Variants in FBXO25 observed in about 807,000 individuals in gnomAD.
FBXO25 encodes the protein F-box protein 25, also known as F-box only protein 25.
A neutral mutation model predicts 51.9 loss-of-function variants in FBXO25; 45 were observed. That is an observed-to-expected ratio of 0.87 (90% CI 0.68 to 1.11). FBXO25 has a LOEUF of 1.11. Ranked by LOEUF, FBXO25 falls within the 50% of genes most tolerant of loss-of-function variation. The probability of loss-of-function intolerance (pLI) is 0.00; values close to 1 mark genes in which losing one functional copy is unlikely to be tolerated. For missense variants in FBXO25, 507 were observed against 428.5 expected (o/e 1.18, Z -1.62); for synonymous variants, 199 against 151.0 (o/e 1.32, Z -2.33).
chr8:456,317 C>G (rs1426711449), intron 7 of FBXO25, among the ~76,000 whole-genome samples: 1 of 152,188 alleles, frequency 6.6e-6, no homozygotes, highest in East Asian at 1.9e-4. Flanking sequence ...TCAGGTGATC[C>G]TCCCACCTCA....
In FBXO25 at chr8:476,596, T is replaced by G. The variant is rs1800650534; in HGVS notation, c.*7792T>G. 1 of 152,218 alleles carries G rather than the reference T, an allele frequency of 6.6e-6. No homozygotes were observed. Among genetic ancestry groups the G allele is most frequent in the East Asian group, 1.9e-4 (1 of 5,202 alleles). The allele number at this position is 152,218 out of a possible 1,614,324, so 9.4% of individuals were successfully genotyped here. Reference sequence around the variant, plus strand: ...TCAATCTTGATAGGCTGTGTGTTTCTAAGAATTTGTCCAGTTCATCTAGGT... The same window carrying G: ...TCAATCTTGATAGGCTGTGTGTTTCGAAGAATTTGTCCAGTTCATCTAGGT... On this transcript the variant is annotated 3_prime_UTR_variant, in exon 10 of 10. Coordinates refer to ENST00000350302, the MANE Select transcript of FBXO25 (RefSeq NM_183420.2).
chr8:422,036 A>T (rs753416170), intron 2 of FBXO25, among the ~76,000 whole-genome samples: 22 of 152,230 alleles, frequency 1.4e-4, no homozygotes, highest in Non-Finnish European at 2.5e-4. Context: ...TATAGAAGGA[A>T]TAAGGGAAAT....
intron 2 of FBXO25, among the ~76,000 whole-genome samples, chr8:414,483 T>C (rs1192525369): frequency 6.6e-6 from 1 of 152,228 alleles, no homozygotes; most frequent in African/African-American, 2.4e-5. Context: ...AAAGCTGTAA[T>C]GCTTGAAGTG....
chr8:455,100 AAG>A (rs888360022), intron 7 of FBXO25, among the ~76,000 whole-genome samples: 2 of 152,124 alleles, frequency 1.3e-5, no homozygotes, highest in Non-Finnish European at 2.9e-5. Context: ...CTCCTGTGAG[AAG>A]GTATGGGAAC....
At position 462,877 on chromosome 8, in the gene FBXO25, T is replaced by C; in HGVS notation, c.844-130T>C. On this transcript the variant is annotated intron_variant, in intron 8 of 9. Transcript: ENST00000350302. The stretch of plus-strand genomic sequence containing the variant: ...TTCATCCATGTAACCAAAACCCACT[T>C]GTAACCCTAAAGCTATTGAAGTTTA... 2.7e-6 allele frequency: 3 copies of C among 1,091,600 alleles called. No individual in the cohort carries two copies. The South Asian group carries it at 5.1e-5, about 19-fold the overall frequency. 67.6% of individuals were successfully genotyped at this position (1,091,600 alleles called of 1,614,324 possible). A position where few individuals can be genotyped will look rare whatever the true frequency, so the allele number is the denominator to read the frequency against.
At chr8:465,052 T>C (rs769504136) in intron 9 of FBXO25, among the ~76,000 whole-genome samples, 2 of 152,144 alleles carry the variant, frequency 1.3e-5, no homozygotes, top group Non-Finnish European at 2.9e-5. Flanking sequence ...TCCCCAGTTA[T>C]AGGGCACAGA....
chr8:444,630 C>G (rs1278310285), intron 5 of FBXO25, among the ~76,000 whole-genome samples: 1 of 152,078 alleles, frequency 6.6e-6, no homozygotes, highest in African/African-American at 2.4e-5. Flanking sequence ...CACATCTTTA[C>G]TTGTTTAGAA....
Position 413,145 on chromosome 8 carries a change from G to A in FBXO25, c.66G>A (p.Trp22Ter). The A allele has an allele frequency of 6.2e-7, 1 of 1,611,362 alleles. No individual in the cohort carries two copies. Among genetic ancestry groups the A allele is most frequent in the Non-Finnish European group, 8.5e-7 (1 of 1,178,776 alleles). The change falls in exon 2 of 10, where the codon TGG becomes TGA. Residue 22 changes from tryptophan (W) to a stop codon, truncating the protein, a stop_gained. Coordinates refer to ENST00000350302, the MANE Select transcript of FBXO25 (RefSeq NM_183420.2). LOFTEE classifies it high-confidence loss of function. The part of the protein sequence containing the change: ...GWSWIKTEDG[W>*]KRCESCSQKL... Reference sequence around the variant, plus strand: ...GTTGGATTAAGACAGAAGATGGCTGGAAGAGATGTGAATCTTGTAGTCAGA... The same window carrying A: ...GTTGGATTAAGACAGAAGATGGCTGAAAGAGATGTGAATCTTGTAGTCAGA...
chr8:409,791 G>C (rs1345480543), intron 1 of FBXO25, among the ~76,000 whole-genome samples: 1 of 152,104 alleles, frequency 6.6e-6, no homozygotes, highest in Non-Finnish European at 1.5e-5. Context: ...ACAAGCCCTA[G>C]AAAATTATTA....
At chr8:462,928 A>C in intron 8 of FBXO25, 79 bp from the exon 9 acceptor site, 5 of 1,498,360 alleles carry the variant, frequency 3.3e-6, no homozygotes, top group Non-Finnish European at 4.5e-6. Flanking sequence ...AACTAAAATA[A>C]AATGAAAAAG....
intron 2 of FBXO25, among the ~76,000 whole-genome samples, chr8:430,770 G>C (rs17812912): frequency 0.16 from 24,217 of 152,130 alleles, 2,047 homozygotes; most frequent in East Asian, 0.26. Context: ...CTTGTTTCAC[G>C]AAGAAGAAAA....
intron 7 of FBXO25, among the ~76,000 whole-genome samples, chr8:456,371 G>T (rs562499887): frequency 6.6e-6 from 1 of 152,090 alleles, no homozygotes; most frequent in Non-Finnish European, 1.5e-5. Context: ...CACCCGGCCT[G>T]GCCATATTCT....
At chr8:448,348 C>A (rs1798862925) in intron 5 of FBXO25, among the ~76,000 whole-genome samples, 2 of 152,196 alleles carry the variant, frequency 1.3e-5, no homozygotes, top group South Asian at 4.1e-4. Flanking sequence ...GAAGCAAGAA[C>A]CTCCCAATGG....
intron 5 of FBXO25, among the ~76,000 whole-genome samples, chr8:437,093 C>T (rs905428102): frequency 6.6e-6 from 1 of 152,118 alleles, no homozygotes; most frequent in African/African-American, 2.4e-5. Flanking sequence ...CCACATACTA[C>T]TATAATTTGC....
chr8:433,217 T>C (rs191315382), intron 4 of FBXO25, among the ~76,000 whole-genome samples: 1 of 152,262 alleles, frequency 6.6e-6, no homozygotes, highest in Non-Finnish European at 1.5e-5. Context: ...ATGGTGTGTA[T>C]GTATGATTGT....
chr8:428,140 C>T (rs1433028879), intron 2 of FBXO25, among the ~76,000 whole-genome samples: 1 of 152,150 alleles, frequency 6.6e-6, no homozygotes, highest in Non-Finnish European at 1.5e-5. Context: ...TGATTCTTCT[C>T]TATTCTCTTC....
chr8:469,085 ATACT>A lies in FBXO25; in HGVS notation c.*283_*286del, dbSNP rs1208983149. On this transcript the variant is annotated 3_prime_UTR_variant, in exon 10 of 10. Transcript: ENST00000350302. The stretch of plus-strand genomic sequence containing the variant: ...CTCTCTCTATATATATAGTTCAAAA[ATACT>A]TTAGGTGGTCAGCTCCACATTCTTT... 5 of 310,462 alleles carry A rather than the reference ATACT, an allele frequency of 1.6e-5. No individual in the cohort carries two copies. The East Asian group carries it at 2.8e-4, about 17-fold the overall frequency. 19.2% of individuals were successfully genotyped at this position (310,462 alleles called of 1,614,324 possible). A position where few individuals can be genotyped will look rare whatever the true frequency, so the allele number is the denominator to read the frequency against.
intron 7 of FBXO25, among the ~76,000 whole-genome samples, chr8:456,964 G>A (rs1799479915): frequency 6.6e-6 from 1 of 152,204 alleles, no homozygotes; most frequent in Admixed American, 6.5e-5. Context: ...AGGTGATTTT[G>A]AGAACCAAAC....
chr8:465,142 G>C (rs1021868375), intron 9 of FBXO25, among the ~76,000 whole-genome samples: 5 of 152,170 alleles, frequency 3.3e-5, no homozygotes, highest in African/African-American at 1.2e-4. Flanking sequence ...GGCCGATTGA[G>C]TGAAGTCCAG....
Sources: gnomAD v4.1 joint callset for allele counts (sites outside exome capture counted in the v4.1 genomes callset) on GRCh38, gnomAD v4.1.1 for gene constraint, MANE v1.5 for transcripts, NCBI Gene and HGNC (gene_info 2026-07-23, HGNC 2026-07-21) for gene names.